The following FAM110B variants were observed in gnomAD, a reference collection of about 807,000 sequenced individuals.
FAM110B encodes the protein family with sequence similarity 110 member B.
FAM110B carries 6 observed loss-of-function variants against 20.4 expected under a neutral mutation model. The observed-to-expected ratio is 0.29, with a 90% CI of 0.16 to 0.58. FAM110B has a LOEUF of 0.58. Among genes scored for constraint, FAM110B ranks in the 20% least tolerant of loss-of-function variants. FAM110B has a pLI of 0.90. For missense variants in FAM110B, 434 were observed against 498.2 expected (o/e 0.87, Z 1.23); for synonymous variants, 226 against 214.1 (o/e 1.06, Z -0.49).
chr8:58,036,437 T>C (rs1376490849), intron 2 of FAM110B, among the ~76,000 whole-genome samples: 6 of 152,256 alleles, frequency 3.9e-5, no homozygotes, highest in Admixed American at 6.5e-5. Context: ...AGTGTTCTTC[T>C]TTCCAACAGT....
At chr8:58,060,469 A>G (rs1220285141) in intron 2 of FAM110B, among the ~76,000 whole-genome samples, 1 of 152,186 alleles carries the variant, frequency 6.6e-6, no homozygotes, top group Non-Finnish European at 1.5e-5. Flanking sequence ...AGGAAAATAG[A>G]TGAACTGAAA....
chr8:58,008,126 ATTTTTTTTTT>A (rs71248160), intron 1 of FAM110B, among the ~76,000 whole-genome samples: 16 of 116,012 alleles, frequency 1.4e-4, no homozygotes, highest in South Asian at 3.0e-4. Context: ...AAAAGCTTGC[ATTTTTTTTTT>A]TTTTTTTTTT....
At chr8:58,022,004 G>A (rs79361921) in intron 1 of FAM110B, among the ~76,000 whole-genome samples, 4,291 of 152,244 alleles carry the variant, frequency 0.028, 88 homozygotes, top group Middle Eastern at 0.058. Context: ...TTTCTGGGGT[G>A]CACAAGTAAG....
chr8:58,051,366 C>T (rs1487002895), intron 2 of FAM110B, among the ~76,000 whole-genome samples: 1 of 151,708 alleles, frequency 6.6e-6, no homozygotes, highest in Non-Finnish European at 1.5e-5. Flanking sequence ...AAGCCAGAAA[C>T]AAAAGCCAGC....
At chr8:58,072,793 G>A (rs1805935314) in intron 2 of FAM110B, among the ~76,000 whole-genome samples, 1 of 152,114 alleles carries the variant, frequency 6.6e-6, no homozygotes, top group Admixed American at 6.5e-5. Context: ...GGTCTCAACA[G>A]GAAAAGTGGT....
chr8:58,076,013 G>A (rs1806028703), intron 3 of FAM110B, among the ~76,000 whole-genome samples: 1 of 152,114 alleles, frequency 6.6e-6, no homozygotes, highest in Admixed American at 6.5e-5. Context: ...CCAGGCTGGA[G>A]GGCAGTGGTG....
intron 3 of FAM110B, among the ~76,000 whole-genome samples, chr8:58,133,644 A>G (rs1246868477): frequency 6.6e-6 from 1 of 152,190 alleles, no homozygotes; most frequent in Non-Finnish European, 1.5e-5. Flanking sequence ...ATGTGGAGGC[A>G]GGCATCAGAG....
chr8:58,087,249 G>A (rs1806360027), intron 3 of FAM110B, among the ~76,000 whole-genome samples: 1 of 152,192 alleles, frequency 6.6e-6, no homozygotes, highest in African/African-American at 2.4e-5. Flanking sequence ...AAAGAAACCA[G>A]CGCTGTGCGT....
chr8:58,026,589 G>A (rs1413574970), intron 1 of FAM110B, among the ~76,000 whole-genome samples: 1 of 152,070 alleles, frequency 6.6e-6, no homozygotes, highest in Non-Finnish European at 1.5e-5. Context: ...ATTTCTTGGT[G>A]TGTGAAAGTC....
intron 3 of FAM110B, among the ~76,000 whole-genome samples, chr8:58,132,021 T>C (rs760467240): frequency 4.5e-4 from 69 of 152,342 alleles, no homozygotes; most frequent in Non-Finnish European, 7.9e-4. Context: ...GGTTTTCTGT[T>C]GCCCAGAATA....
At chr8:58,086,778 A>T (rs1439692276) in intron 3 of FAM110B, among the ~76,000 whole-genome samples, 1 of 152,240 alleles carries the variant, frequency 6.6e-6, no homozygotes, top group Non-Finnish European at 1.5e-5. Context: ...GGTCCATTTC[A>T]ATAGAGGTAT....
At chr8:58,086,145 G>C (rs1563364692) in intron 3 of FAM110B, among the ~76,000 whole-genome samples, 1 of 152,150 alleles carries the variant, frequency 6.6e-6, no homozygotes, top group Non-Finnish European at 1.5e-5. Flanking sequence ...CGAATCTGCA[G>C]CTCTTCTAAG....
At chr8:58,026,303 GGAT>G (rs1275206466) in intron 1 of FAM110B, among the ~76,000 whole-genome samples, 3 of 151,284 alleles carry the variant, frequency 2.0e-5, no homozygotes, top group African/African-American at 7.3e-5. Context: ...TACCTTTTTT[GGAT>G]GATGAACTTT....
At chr8:58,044,351 C>G (rs1805280831) in intron 2 of FAM110B, among the ~76,000 whole-genome samples, 1 of 152,200 alleles carries the variant, frequency 6.6e-6, no homozygotes, top group Admixed American at 6.5e-5. Flanking sequence ...AGATAACTTT[C>G]AGGAACATAC....
intron 1 of FAM110B, among the ~76,000 whole-genome samples, chr8:58,030,071 C>T (rs530916463): frequency 1.3e-5 from 2 of 152,106 alleles, no homozygotes; most frequent in Non-Finnish European, 2.9e-5. Flanking sequence ...AAATACAGAA[C>T]CTTTTGCTTT....
intron 3 of FAM110B, among the ~76,000 whole-genome samples, chr8:58,141,778 G>A (rs140234574): frequency 8.1e-4 from 124 of 152,236 alleles, no homozygotes; most frequent in African/African-American, 2.8e-3. Context: ...TTGCTGTTGC[G>A]TCAACAATGA....
At chr8:58,126,099 C>T (rs1277401483) in intron 3 of FAM110B, among the ~76,000 whole-genome samples, 1 of 152,166 alleles carries the variant, frequency 6.6e-6, no homozygotes, top group Non-Finnish European at 1.5e-5. Flanking sequence ...CTCCTGAAAA[C>T]CACTAAATCT....
intron 3 of FAM110B, among the ~76,000 whole-genome samples, chr8:58,098,430 G>T (rs1156554959): frequency 6.6e-6 from 1 of 152,214 alleles, no homozygotes; most frequent in African/African-American, 2.4e-5. Flanking sequence ...ACTTCAGACT[G>T]CTGTGCTGGC....
At chr8:58,063,154 G>A (rs1434196493) in intron 2 of FAM110B, among the ~76,000 whole-genome samples, 1 of 152,148 alleles carries the variant, frequency 6.6e-6, no homozygotes, top group Non-Finnish European at 1.5e-5. Context: ...ACCAGAGCAC[G>A]GGGCATAAGA....
Sources: gnomAD v4.1 joint callset for allele counts (sites outside exome capture counted in the v4.1 genomes callset) on GRCh38, gnomAD v4.1.1 for gene constraint, MANE v1.5 for transcripts, NCBI Gene and HGNC (gene_info 2026-07-23, HGNC 2026-07-21) for gene names.